Variants in RGS6 observed in about 807,000 individuals in gnomAD.
The protein encoded by RGS6 is regulator of G protein signaling 6.
RGS6 carries 30 observed loss-of-function variants against 78.5 expected under a neutral mutation model. The observed-to-expected ratio is 0.38, with a 90% CI of 0.29 to 0.52. The LOEUF is 0.52. Among genes scored for constraint, RGS6 ranks in the 20% least tolerant of loss-of-function variants. The pLI is 0.85. For synonymous variants in RGS6, 206 were observed against 206.0 expected (o/e 1.00, Z 0.00); for missense variants, 495 against 609.7 (o/e 0.81, Z 1.98).
chr14:72,590,787 G>A, the RGS6 span, among the ~76,000 whole-genome samples: 3 of 152,130 alleles, frequency 2.0e-5, no homozygotes, highest in African/African-American at 4.8e-5. Context: ...AGGAAATGGC[G>A]GTAAACCCAC....
At chr14:72,359,370 G>A (rs2081026385) in intron 3 of RGS6, among the ~76,000 whole-genome samples, 1 of 152,024 alleles carries the variant, frequency 6.6e-6, no homozygotes, top group Non-Finnish European at 1.5e-5. Context: ...TATAATAGGG[G>A]TGCCAGGGGT....
At chr14:72,157,061 G>T (rs151264602) in intron 2 of RGS6, among the ~76,000 whole-genome samples, 1 of 152,188 alleles carries the variant, frequency 6.6e-6, no homozygotes, top group Non-Finnish European at 1.5e-5. Context: ...TTCTCTTCTT[G>T]TGAAAGTGAT....
At position 72,157,061 on chromosome 14, in the gene RGS6, G is replaced by A. The variant is rs151264602; in HGVS notation, c.84+192186G>A. ...AAGCTGTTCTTCACCTTCTCTTCTTGTGAAAGTGATTCAATCTCCCAAACC... is the reference window on the plus strand; with the variant it reads ...AAGCTGTTCTTCACCTTCTCTTCTTATGAAAGTGATTCAATCTCCCAAACC... On this transcript the variant is annotated intron_variant, in intron 2 of 17. Transcript: ENST00000553525. 3.2e-3 allele frequency among the ~76,000 whole-genome samples: 486 copies of A among 152,306 alleles called. 1 individual carries two copies. Among genetic ancestry groups the A allele is most frequent in the African/African-American group, 0.011 (462 of 41,570 alleles).
At chr14:72,077,589 C>G (rs1469928046) in intron 2 of RGS6, among the ~76,000 whole-genome samples, 1 of 152,096 alleles carries the variant, frequency 6.6e-6, no homozygotes, top group Admixed American at 6.5e-5. Context: ...CTAATTTGTT[C>G]TATTTTGAAG....
intron 2 of RGS6, among the ~76,000 whole-genome samples, chr14:72,124,717 A>G (rs1350830810): frequency 6.6e-6 from 1 of 152,186 alleles, no homozygotes; most frequent in Non-Finnish European, 1.5e-5. Flanking sequence ...TGAATTATAT[A>G]TTGTTTATCT....
At chr14:72,238,110 T>C (rs1449465481) in intron 2 of RGS6, among the ~76,000 whole-genome samples, 3 of 152,168 alleles carry the variant, frequency 2.0e-5, no homozygotes, top group Non-Finnish European at 4.4e-5. Flanking sequence ...AGGTGCTCTA[T>C]CTCTGAAGCT....
chr14:72,326,352 A>G (rs1194683200), intron 2 of RGS6, among the ~76,000 whole-genome samples: 1 of 152,224 alleles, frequency 6.6e-6, no homozygotes, highest in African/African-American at 2.4e-5. Context: ...ATGCCCTGAA[A>G]GTATACTGAT....
chr14:72,019,732 A>G (rs988553788), intron 2 of RGS6, among the ~76,000 whole-genome samples: 1 of 152,204 alleles, frequency 6.6e-6, no homozygotes, highest in East Asian at 1.9e-4. Flanking sequence ...AGGTGGAGTC[A>G]GTGGTCATTC....
chr14:72,246,004 A>G (rs1294268544), intron 2 of RGS6, among the ~76,000 whole-genome samples: 2 of 152,224 alleles, frequency 1.3e-5, no homozygotes, highest in African/African-American at 2.4e-5. Flanking sequence ...AATCTTTGCT[A>G]TACATGCTGT....
chr14:71,949,393 T>C (rs1423606857), intron 1 of RGS6, among the ~76,000 whole-genome samples: 1 of 152,200 alleles, frequency 6.6e-6, no homozygotes. Flanking sequence ...TTATTATGGC[T>C]TCAATTTGCA....
At chr14:72,056,319 G>C (rs1018916357) in intron 2 of RGS6, among the ~76,000 whole-genome samples, 1 of 152,114 alleles carries the variant, frequency 6.6e-6, no homozygotes, top group Non-Finnish European at 1.5e-5. Flanking sequence ...CAGAATTTAG[G>C]AAAGTCTGCT....
intron 2 of RGS6, among the ~76,000 whole-genome samples, chr14:72,198,045 A>T (rs1218910960): frequency 6.6e-6 from 1 of 152,190 alleles, no homozygotes; most frequent in African/African-American, 2.4e-5. Flanking sequence ...AAGAATAAGT[A>T]CTTGTTGTGT....
At chr14:72,220,008 C>T (rs2046482700) in intron 2 of RGS6, among the ~76,000 whole-genome samples, 1 of 152,110 alleles carries the variant, frequency 6.6e-6, no homozygotes, top group Admixed American at 6.6e-5. Flanking sequence ...CCCAAAAGCT[C>T]CCTGATCTGA....
chr14:72,447,164 GGAA>G (rs951900122), intron 3 of RGS6, among the ~76,000 whole-genome samples: 5 of 152,150 alleles, frequency 3.3e-5, no homozygotes, highest in African/African-American at 1.2e-4. Flanking sequence ...GAGAGGTGGG[GGAA>G]GAAGAAGAGG....
At chr14:72,068,092 A>C (rs532155695) in intron 2 of RGS6, among the ~76,000 whole-genome samples, 16 of 151,822 alleles carry the variant, frequency 1.1e-4, no homozygotes, top group Admixed American at 1.0e-3. Context: ...TGGGAAAGTG[A>C]GCCCAGATTA....
chr14:72,110,159 C>T (rs1386107691), intron 2 of RGS6, among the ~76,000 whole-genome samples: 1 of 152,192 alleles, frequency 6.6e-6, no homozygotes, highest in African/African-American at 2.4e-5. Context: ...TTGCTGTATT[C>T]CAGACATCAT....
At chr14:72,489,155 G>GCCCCCCCC (rs1443927486) in intron 12 of RGS6, among the ~76,000 whole-genome samples, 46 of 116,346 alleles carry the variant, frequency 4.0e-4, no homozygotes, top group Non-Finnish European at 5.7e-4. Context: ...GGACAAAGGG[G>GCCCCCCCC]GCCCCCCCAC....
Position 72,536,113 on chromosome 14 carries a change from C to A in RGS6, c.1279-73C>A. On this transcript the variant is annotated intron_variant, in intron 15 of 17. Transcript: ENST00000553525. Reference sequence around the variant, plus strand: ...TCATCTCCTTCCCCAAAACAGTGATCAATTGGATTGTAATATTCTTTAGCA... The same window carrying A: ...TCATCTCCTTCCCCAAAACAGTGATAAATTGGATTGTAATATTCTTTAGCA... 3 of 1,145,164 alleles carry A rather than the reference C, an allele frequency of 2.6e-6. No individual in the cohort carries two copies. The South Asian group carries it at 3.7e-5, about 14-fold the overall frequency. 70.9% of individuals were successfully genotyped at this position (1,145,164 alleles called of 1,614,324 possible). A position where few individuals can be genotyped will look rare whatever the true frequency, so the allele number is the denominator to read the frequency against.
intron 1 of RGS6, among the ~76,000 whole-genome samples, chr14:71,953,244 A>G (rs1418284659): frequency 1.3e-5 from 2 of 152,140 alleles, no homozygotes; most frequent in African/African-American, 4.8e-5. Context: ...TCTGAAAACC[A>G]AAGGCTTGGA....
Sources: allele counts gnomAD v4.1 joint callset (sites outside exome capture counted in the v4.1 genomes callset), GRCh38; gene constraint gnomAD v4.1.1; transcripts MANE v1.5; gene names NCBI Gene and HGNC (gene_info 2026-07-23, HGNC 2026-07-21).